MN1: variants seen among roughly 807,000 people sequenced by gnomAD.
The protein encoded by MN1 is transcriptional activator MN1.
Under a neutral mutation model 86.9 loss-of-function variants are expected in MN1, and 19 were observed. That is an observed-to-expected ratio of 0.22 (90% CI 0.15 to 0.32). MN1 has a LOEUF of 0.32. Among genes scored for constraint, MN1 ranks in the 10% least tolerant of loss-of-function variants. MN1 has a pLI of 1.00. For missense variants in MN1, 1,841 were observed against 1,862.0 expected, an observed-to-expected ratio of 0.99 and a Z score of 0.21; for synonymous variants, 928 against 849.6, an observed-to-expected ratio of 1.09 and a Z score of -1.60.
chr22:27,750,703 TA>T lies in MN1; in HGVS notation c.*211del, dbSNP rs1477334835. ...TACTGTGGCAGACAAGTTTCTTTTT[TA>T]AAAAAACTTTTGAGGTTCCCCCCCT... On this transcript the variant is annotated 3_prime_UTR_variant, in exon 2 of 2. Coordinates refer to ENST00000302326, the MANE Select transcript of MN1 (RefSeq NM_002430.3). The T allele has an allele frequency of 7.1e-6, 3 of 420,524 alleles. No individual in the cohort carries two copies. The highest frequency in any genetic ancestry group is 4.0e-5 in the African/African-American group (2 of 49,526). The allele number at this position is 420,524 out of a possible 1,614,324, so 26.0% of individuals were successfully genotyped here.
intron 1 of MN1, among the ~76,000 whole-genome samples, chr22:27,767,875 G>A (rs1932882186): frequency 6.6e-6 from 1 of 152,148 alleles, no homozygotes; most frequent in East Asian, 1.9e-4. Flanking sequence ...CACATGCCAG[G>A]CACTATTCTA....
chr22:27,762,164 TC>T lies in MN1; in HGVS notation c.3782-11069del, dbSNP rs747828414. On this transcript the variant is annotated intron_variant, in intron 1 of 1. Transcript: ENST00000302326. ...GCAGCCCTGCACACCCTGGGGCCAC[TC>T]CTGACCTGTATGCTGCTAAGATGTG... 2.6e-5 allele frequency among the ~76,000 whole-genome samples: 4 copies of T among 152,224 alleles called. No homozygotes were observed. In the East Asian group the frequency reaches 5.8e-4, roughly 22 times the overall value.
At position 27,796,899 on chromosome 22, in the gene MN1, G is replaced by A. The variant is rs1179204037; in HGVS notation, c.3645C>T (p.Asp1215=). Reference sequence around the variant, plus strand: ...TGTGCTCTGCCATCAGCGAGTCCAGGTCAATGGTGCTCATGGCGCTCTTGA... The same window carrying A: ...TGTGCTCTGCCATCAGCGAGTCCAGATCAATGGTGCTCATGGCGCTCTTGA... ...EAVKSAMSTI[D]LDSLMAEHSA... is the part of the protein sequence containing the mutation. Residue 1215 remains aspartate, a synonymous_variant, in exon 1 of 2, where the codon GAC becomes GAT. Coordinates refer to ENST00000302326, the MANE Select transcript of MN1 (RefSeq NM_002430.3). The A allele has an allele frequency of 4.3e-6, 7 of 1,612,966 alleles. No individual in the cohort carries two copies. Among genetic ancestry groups the A allele is most frequent in the Non-Finnish European group, 5.9e-6 (7 of 1,180,008 alleles).
rs1601343431 is a variant in MN1 at position 27,796,774 on chromosome 22, T to C, written c.3770A>G (p.Asn1257Ser). 1 of 1,598,662 alleles carries C rather than the reference T, an allele frequency of 6.3e-7. No homozygotes were observed. Among genetic ancestry groups the C allele is most frequent in the African/African-American group, 1.3e-5 (1 of 74,858 alleles). ...GAGTGTGCATATACCTTCTTTGCTG[T>C]TGGGGTTCTGGGGTTTGGCCTTCTC... ...PWEKAKPQNPNSKEAHDLPAN... is the reference protein window; with the variant it reads ...PWEKAKPQNPSSKEAHDLPAN... Residue 1257 changes from asparagine to serine, a missense_variant, in exon 1 of 2, where the codon AAC (asparagine) becomes AGC (serine). Asn to Ser is a conservative substitution (Grantham distance 46, BLOSUM62 1). Transcript: ENST00000302326.
rs1219191918 is a variant in MN1, at chr22:27,797,760, C to T, written c.2784G>A (p.Ser928=). Residue 928 remains serine (S), a synonymous_variant, in exon 1 of 2, where the codon TCG becomes TCA. Transcript: ENST00000302326. ...CGGAGACCGGCTTGCCGTCATTCCC[C>T]GACGTGGATTCCAGGGTGTAGTTGG... ...LSPNYTLEST[S]GNDGKPVSGG... is the part of the protein sequence containing the mutation. 4 of 1,608,174 alleles carry T rather than the reference C, an allele frequency of 2.5e-6. No homozygotes were observed. The highest frequency in any genetic ancestry group is 3.4e-6 in the Non-Finnish European group (4 of 1,178,446).
chr22:27,800,642 C>A lies in MN1; in HGVS notation c.-99G>T, dbSNP rs942808419. ...TCGTTCCAGCCCAGGATTGGGCGCT[C>A]CGGGACGCTCAGCACCGCGGGGGCT... On this transcript the variant is annotated 5_prime_UTR_variant, in exon 1 of 2. Transcript: ENST00000302326. 112 of 1,565,272 alleles carry A rather than the reference C, an allele frequency of 7.2e-5. No individual in the cohort carries two copies. The highest frequency in any genetic ancestry group is 7.9e-5 in the Non-Finnish European group (92 of 1,159,782).
At chr22:27,773,738 C>A (rs1477681295) in intron 1 of MN1, among the ~76,000 whole-genome samples, 1 of 152,194 alleles carries the variant, frequency 6.6e-6, no homozygotes, top group Non-Finnish European at 1.5e-5. Flanking sequence ...CTCACTGCAA[C>A]CTCTGCCTCC....
intron 1 of MN1, among the ~76,000 whole-genome samples, chr22:27,790,983 A>C (rs1933203742): frequency 6.6e-6 from 1 of 152,166 alleles, no homozygotes; most frequent in Non-Finnish European, 1.5e-5. Context: ...AAGGCCATTG[A>C]GACTGAAGGG....
Position 27,797,033 on chromosome 22 carries a change from C to G in MN1, c.3511G>C (p.Glu1171Gln). ...CCCTTCAGCCCCAGAGGCTGGTCCTCGGAGATGCTGAACTGCTGCCTCTGT... is the reference window on the plus strand; with the variant it reads ...CCCTTCAGCCCCAGAGGCTGGTCCTGGGAGATGCTGAACTGCTGCCTCTGT... ...QLQRQQFSIS[E>Q]DQPLGLKGGK... The change falls in exon 1 of 2, where the codon GAG (glutamate) becomes CAG (glutamine). Residue 1171 changes from glutamate (E) to glutamine (Q), a missense_variant. Physicochemically the swap from Glu to Gln is conservative, Grantham distance 29. Transcript: ENST00000302326. 1 of 1,612,540 alleles carries G rather than the reference C, an allele frequency of 6.2e-7. No homozygotes were observed. Among genetic ancestry groups the G allele is most frequent in the Non-Finnish European group, 8.5e-7 (1 of 1,179,796 alleles).
intron 1 of MN1, among the ~76,000 whole-genome samples, chr22:27,785,629 C>T (rs1933121037): frequency 6.6e-6 from 1 of 152,178 alleles, no homozygotes; most frequent in Non-Finnish European, 1.5e-5. Flanking sequence ...AACTTCGCTG[C>T]CATAAGCCAG....
chr22:27,772,496 A>G (rs1054592370), intron 1 of MN1, among the ~76,000 whole-genome samples: 3 of 152,136 alleles, frequency 2.0e-5, no homozygotes, highest in Non-Finnish European at 2.9e-5. Flanking sequence ...TCAAGTCATG[A>G]TAGAGTCTAG....
rs1932757199 is a variant in MN1, at chr22:27,750,856, G to A, written c.*59C>T. 4.2e-6 allele frequency: 6 copies of A among 1,438,520 alleles called. No homozygotes were observed. Among genetic ancestry groups the A allele is most frequent in the Non-Finnish European group, 5.7e-6 (6 of 1,061,228 alleles). 89.1% of individuals were successfully genotyped at this position (1,438,520 alleles called of 1,614,324 possible). A position where few individuals can be genotyped will look rare whatever the true frequency, so the allele number is the denominator to read the frequency against. ...AGAGGGGTGGGGTAAGGTTGAGGGG[G>A]AAGGAAACAGACAGGGGGAGAGGAA... is the stretch of plus-strand genomic sequence containing the variant. On this transcript the variant is annotated 3_prime_UTR_variant, in exon 2 of 2. Transcript: ENST00000302326.
chr22:27,775,243 C>T (rs928215368), intron 1 of MN1, among the ~76,000 whole-genome samples: 2 of 152,172 alleles, frequency 1.3e-5, no homozygotes, highest in Non-Finnish European at 2.9e-5. Flanking sequence ...CCAACCTGGC[C>T]CCCCGCCCTT....
intron 1 of MN1, among the ~76,000 whole-genome samples, chr22:27,780,469 C>T (rs773663897): frequency 2.6e-5 from 4 of 152,140 alleles, no homozygotes; most frequent in Non-Finnish European, 4.4e-5. Context: ...TTTTGCAATC[C>T]GGCTGACAGC....
At chr22:27,774,984 G>A (rs1055258777) in intron 1 of MN1, among the ~76,000 whole-genome samples, 1 of 152,214 alleles carries the variant, frequency 6.6e-6, no homozygotes, top group South Asian at 2.1e-4. Flanking sequence ...CGGTAGGTGG[G>A]AGGCCCCAGT....
chr22:27,786,247 A>G (rs534558993), intron 1 of MN1, among the ~76,000 whole-genome samples: 1 of 152,228 alleles, frequency 6.6e-6, no homozygotes, highest in Non-Finnish European at 1.5e-5. Context: ...GGGCCCCCCA[A>G]AGAAGCCAGG....
At chr22:27,776,360 C>T (rs548691036) in intron 1 of MN1, among the ~76,000 whole-genome samples, 1 of 152,300 alleles carries the variant, frequency 6.6e-6, no homozygotes, top group South Asian at 2.1e-4. Flanking sequence ...CACAGGGAAA[C>T]CCTAATTAAG....
At chr22:27,782,328 C>T (rs973978062) in intron 1 of MN1, among the ~76,000 whole-genome samples, 10 of 152,192 alleles carry the variant, frequency 6.6e-5, no homozygotes, top group Admixed American at 6.5e-4. Context: ...AGCCCGGCCC[C>T]GCCCTATGAC....
chr22:27,784,768 G>A (rs1568978463), intron 1 of MN1, among the ~76,000 whole-genome samples: 1 of 151,962 alleles, frequency 6.6e-6, no homozygotes, highest in Non-Finnish European at 1.5e-5. Context: ...GGCTGAAATC[G>A]CCCTCAAACA....
Sources: allele counts gnomAD v4.1 joint callset (sites outside exome capture counted in the v4.1 genomes callset), GRCh38; gene constraint gnomAD v4.1.1; transcripts MANE v1.5; gene names NCBI Gene and HGNC (gene_info 2026-07-23, HGNC 2026-07-21).